The following PDE9A variants were observed in gnomAD, a reference collection of about 807,000 sequenced individuals.
PDE9A encodes the protein high affinity cGMP-specific 3',5'-cyclic phosphodiesterase 9A.
In PDE9A, 60 loss-of-function variants were observed where a neutral mutation model predicts 87.4. The observed-to-expected ratio is 0.69, with a 90% CI of 0.56 to 0.85. PDE9A has a LOEUF of 0.85. PDE9A is among the 40% of genes least tolerant of loss of function. The pLI is 0.00. For synonymous variants in PDE9A, 272 were observed against 279.4 expected (o/e 0.97, Z 0.27); for missense variants, 665 against 779.0 (o/e 0.85, Z 1.74).
intron 4 of PDE9A, among the ~76,000 whole-genome samples, chr21:42,725,097 G>A (rs35801431): frequency 0.2 from 30,270 of 152,074 alleles, 3,386 homozygotes; most frequent in African/African-American, 0.31. Context: ...GGCATTGACC[G>A]TGACACGGTC....
At chr21:42,699,341 C>T (rs1351789302) in intron 4 of PDE9A, among the ~76,000 whole-genome samples, 1 of 152,156 alleles carries the variant, frequency 6.6e-6, no homozygotes, top group African/African-American at 2.4e-5. Context: ...ATGGCCGTTC[C>T]ATTGGCTGCA....
intron 14 of PDE9A, 135 bp from the exon 15 acceptor site, chr21:42,765,246 G>A: frequency 1.7e-6 from 1 of 587,692 alleles, no homozygotes; most frequent in Non-Finnish European, 3.1e-6. Context: ...AAATGGATGG[G>A]TGATGGATGC....
chr21:42,662,621 A>C (rs560203068), intron 1 of PDE9A, among the ~76,000 whole-genome samples: 13 of 133,752 alleles, frequency 9.7e-5, no homozygotes, highest in African/African-American at 3.2e-4. Context: ...CACCACACAC[A>C]CCACACACCA....
intron 1 of PDE9A, among the ~76,000 whole-genome samples, chr21:42,676,744 A>G (rs927951127): frequency 1.3e-5 from 2 of 152,210 alleles, no homozygotes; most frequent in African/African-American, 4.8e-5. Context: ...GATTGTCACT[A>G]GTATTTGCCT....
intron 1 of PDE9A, among the ~76,000 whole-genome samples, chr21:42,658,395 G>A (rs142865362): frequency 8.1e-4 from 124 of 152,308 alleles, no homozygotes; most frequent in African/African-American, 2.8e-3. Flanking sequence ...ACAAGCATGA[G>A]CTGCTGTTTC....
chr21:42,733,970 T>C (rs1221464149), intron 7 of PDE9A: 1 of 153,576 alleles, frequency 6.5e-6, no homozygotes, highest in East Asian at 1.9e-4. Flanking sequence ...CTCCTTGAGA[T>C]AGTGAGTTCT....
intron 5 of PDE9A, 57 bp downstream of exon 5, chr21:42,732,006 G>A (rs2051831081): frequency 1.2e-6 from 2 of 1,611,404 alleles, no homozygotes; most frequent in East Asian, 2.2e-5. Flanking sequence ...GATTCGGGCT[G>A]CAATGGCCTA....
At chr21:42,679,966 G>A (rs559799590) in intron 1 of PDE9A, among the ~76,000 whole-genome samples, 31 of 152,356 alleles carry the variant, frequency 2.0e-4, no homozygotes, top group African/African-American at 7.2e-4. Flanking sequence ...AGGCCGATGG[G>A]TGTGGGGAGC....
intron 17 of PDE9A, among the ~76,000 whole-genome samples, chr21:42,769,522 ACACAGG>A (rs1225077297): frequency 7.9e-5 from 9 of 113,954 alleles, no homozygotes; most frequent in African/African-American, 3.0e-4. Context: ...CACACAAGGC[ACACAGG>A]CACACACAGG....
intron 1 of PDE9A, among the ~76,000 whole-genome samples, chr21:42,667,640 T>C (rs2058096312): frequency 1.3e-5 from 2 of 152,152 alleles, no homozygotes. Context: ...TTTTGGGTTT[T>C]ATGCAAGTTC....
chr21:42,765,026 G>GATGA (rs2056250696), intron 14 of PDE9A, among the ~76,000 whole-genome samples: 1 of 108,102 alleles, frequency 9.3e-6, no homozygotes, highest in Admixed American at 8.7e-5. Flanking sequence ...TGGATGGGTG[G>GATGA]ATGGGTGGAT....
chr21:42,672,556 A>G (rs2058621398), intron 1 of PDE9A, among the ~76,000 whole-genome samples: 1 of 152,228 alleles, frequency 6.6e-6, no homozygotes, highest in South Asian at 2.1e-4. Flanking sequence ...CACCCCCTGA[A>G]CGCATGCCAA....
intron 1 of PDE9A, among the ~76,000 whole-genome samples, chr21:42,669,033 G>A (rs1474001822): frequency 2.6e-5 from 4 of 151,906 alleles, no homozygotes; most frequent in Non-Finnish European, 5.9e-5. Flanking sequence ...GCATACACGC[G>A]CTGAGGCCCA....
At chr21:42,685,123 C>A (rs1193401534) in intron 1 of PDE9A, among the ~76,000 whole-genome samples, 1 of 152,246 alleles carries the variant, frequency 6.6e-6, no homozygotes, top group Non-Finnish European at 1.5e-5. Context: ...GGGAGGCATC[C>A]TCTGCGATGA....
At chr21:42,666,216 G>A (rs2057981251) in intron 1 of PDE9A, among the ~76,000 whole-genome samples, 2 of 152,182 alleles carry the variant, frequency 1.3e-5, no homozygotes, top group Admixed American at 6.5e-5. Context: ...GAAGGGCGTG[G>A]CTATCAGCTC....
chr21:42,689,253 G>T (rs149878506), intron 3 of PDE9A, among the ~76,000 whole-genome samples: 2 of 152,226 alleles, frequency 1.3e-5, no homozygotes, highest in Admixed American at 1.3e-4. Context: ...GTCACCTTGA[G>T]GCCTCAGCCG....
chr21:42,699,259 C>T (rs1294660143), intron 4 of PDE9A, among the ~76,000 whole-genome samples: 3 of 152,226 alleles, frequency 2.0e-5, no homozygotes, highest in Non-Finnish European at 1.5e-5. Context: ...GGGAGAATAG[C>T]ATCTGCCTGG....
chr21:42,691,608 G>A (rs1029967963), intron 3 of PDE9A, among the ~76,000 whole-genome samples: 1 of 147,248 alleles, frequency 6.8e-6, no homozygotes, highest in Non-Finnish European at 1.5e-5. Flanking sequence ...ACCATCCAAA[G>A]TTACCAGCCC....
rs1234434023 is a variant in PDE9A, at chr21:42,694,921, C to T, written c.219-4047C>T. ...AGCTGCATGAATGCCCACCCCAGCC[C>T]AGCGGGCACTCCCCTTCTGCAAACC... On this transcript the variant is annotated intron_variant, in intron 3 of 19. Coordinates refer to ENST00000291539, the MANE Select transcript of PDE9A (RefSeq NM_002606.3). The surrounding 1 kb of genome is among the most constrained non-coding windows in gnomAD (Gnocchi z 5.3). Among the ~76,000 whole-genome samples, 1 of 152,196 alleles carries T rather than the reference C, an allele frequency of 6.6e-6. No individual in the cohort carries two copies. The highest frequency in any genetic ancestry group is 1.5e-5 in the Non-Finnish European group (1 of 68,052).
Sources: gnomAD v4.1 joint callset for allele counts (sites outside exome capture counted in the v4.1 genomes callset) on GRCh38, gnomAD v4.1.1 for gene constraint, Gnocchi (gnomAD v3.1) non-coding constraint, MANE v1.5 for transcripts, NCBI Gene and HGNC (gene_info 2026-07-23, HGNC 2026-07-21) for gene names.